The following NDUFAF2 variants were observed in gnomAD, a reference collection of about 807,000 sequenced individuals.
The protein encoded by NDUFAF2 is NADH dehydrogenase [ubiquinone] 1 alpha subcomplex assembly factor 2.
In NDUFAF2, 13 loss-of-function variants were observed where a neutral mutation model predicts 22.8. The observed-to-expected ratio is 0.57, with a 90% confidence interval of 0.37 to 0.91. The LOEUF (loss-of-function observed/expected upper bound fraction) is 0.91, where lower values mean the gene tolerates loss of function less well. NDUFAF2 is among the 40% of genes least tolerant of loss of function. The probability of loss-of-function intolerance (pLI) is 0.01; values close to 1 mark genes in which losing one functional copy is unlikely to be tolerated. For missense variants in NDUFAF2, 162 were observed against 195.2 expected (o/e 0.83, Z 1.01); for synonymous variants, 53 against 64.2 (o/e 0.83, Z 0.84).
intron 1 of NDUFAF2, among the ~76,000 whole-genome samples, chr5:60,987,870 C>T (rs1202448892): frequency 6.6e-6 from 1 of 152,130 alleles, no homozygotes; most frequent in Non-Finnish European, 1.5e-5. Flanking sequence ...GGCAAAAGAC[C>T]AGAATGCCCT....
intron 1 of NDUFAF2, among the ~76,000 whole-genome samples, chr5:61,059,297 A>C (rs188755432): frequency 4.6e-5 from 7 of 152,236 alleles, no homozygotes; most frequent in African/African-American, 1.7e-4. Flanking sequence ...ACCTTTAAAA[A>C]TTAACGGTCA....
chr5:61,006,158 A>G (rs1208947410), intron 1 of NDUFAF2, among the ~76,000 whole-genome samples: 5 of 152,194 alleles, frequency 3.3e-5, no homozygotes. Flanking sequence ...CTTTCTACAT[A>G]TGGCTAGCCA....
rs905952393 is a variant in NDUFAF2 at position 61,095,749 on chromosome 5, C to T, written c.218-3243C>T. Reference sequence around the variant, plus strand: ...AAGATCCATGGGAGAAGCATGGTTTCCCAGGGTCACACATTTGAATACTCA... The same window carrying T: ...AAGATCCATGGGAGAAGCATGGTTTTCCAGGGTCACACATTTGAATACTCA... On this transcript the variant is annotated intron_variant, in intron 2 of 3. Coordinates refer to ENST00000296597, the MANE Select transcript of NDUFAF2 (RefSeq NM_174889.5). 2.6e-5 allele frequency among the ~76,000 whole-genome samples: 4 copies of T among 152,110 alleles called. No homozygotes were observed. The South Asian group carries it at 8.3e-4, about 31-fold the overall frequency.
chr5:60,945,998 C>T (rs879552252), intron 1 of NDUFAF2, among the ~76,000 whole-genome samples: 2 of 152,150 alleles, frequency 1.3e-5, no homozygotes, highest in African/African-American at 4.8e-5. Context: ...ATTCCTTTCT[C>T]GGGAGTTGAC....
intron 3 of NDUFAF2, among the ~76,000 whole-genome samples, chr5:61,139,176 T>C (rs1026783945): frequency 1.3e-5 from 2 of 152,212 alleles, no homozygotes; most frequent in Non-Finnish European, 2.9e-5. Context: ...TTAAACCTGC[T>C]CAGGACACTT....
At chr5:61,082,619 G>A (rs557330748) in intron 2 of NDUFAF2, among the ~76,000 whole-genome samples, 1 of 152,246 alleles carries the variant, frequency 6.6e-6, no homozygotes, top group Non-Finnish European at 1.5e-5. Flanking sequence ...AGAACATGCA[G>A]TATTTGGTTT....
At chr5:61,007,008 G>A (rs1052376837) in intron 1 of NDUFAF2, among the ~76,000 whole-genome samples, 8 of 152,030 alleles carry the variant, frequency 5.3e-5, no homozygotes, top group African/African-American at 1.7e-4. Context: ...TGTAGATTCC[G>A]GATATTAGCC....
At chr5:61,107,539 C>T (rs1011630809) in intron 3 of NDUFAF2, among the ~76,000 whole-genome samples, 2 of 151,328 alleles carry the variant, frequency 1.3e-5, no homozygotes, top group African/African-American at 4.9e-5. Context: ...TGTGAGTTGT[C>T]TCTTCACCTT....
intron 1 of NDUFAF2, among the ~76,000 whole-genome samples, chr5:61,023,950 C>A (rs1263077594): frequency 6.6e-6 from 1 of 152,158 alleles, no homozygotes; most frequent in Admixed American, 6.5e-5. Flanking sequence ...GAGTTTGAAA[C>A]CCCGGGGATT....
intron 1 of NDUFAF2, among the ~76,000 whole-genome samples, chr5:60,996,463 G>A (rs540800861): frequency 3.4e-4 from 51 of 152,166 alleles, no homozygotes; most frequent in African/African-American, 1.2e-3. Flanking sequence ...TCCTTAAACA[G>A]AAGGAAGGGG....
At chr5:61,004,600 T>C (rs957475212) in intron 1 of NDUFAF2, among the ~76,000 whole-genome samples, 3 of 152,122 alleles carry the variant, frequency 2.0e-5, no homozygotes, top group Non-Finnish European at 4.4e-5. Flanking sequence ...TATGGGAGGC[T>C]GAGTAAATTT....
chr5:60,969,047 T>C (rs922820969), intron 1 of NDUFAF2, among the ~76,000 whole-genome samples: 2 of 152,152 alleles, frequency 1.3e-5, no homozygotes, highest in African/African-American at 4.8e-5. Flanking sequence ...AGGATTGCAT[T>C]CTTTTTTGTG....
At chr5:60,951,187 GC>G (rs1458780806) in intron 1 of NDUFAF2, among the ~76,000 whole-genome samples, 8 of 151,904 alleles carry the variant, frequency 5.3e-5, no homozygotes, top group Non-Finnish European at 1.0e-4. Flanking sequence ...CCACCACCAT[GC>G]CCAGCTAATT....
At chr5:61,064,293 G>C (rs549661409) in intron 1 of NDUFAF2, among the ~76,000 whole-genome samples, 1 of 152,170 alleles carries the variant, frequency 6.6e-6, no homozygotes, top group South Asian at 2.1e-4. Flanking sequence ...AATACTATAA[G>C]AGTAGGAGAC....
intron 1 of NDUFAF2, among the ~76,000 whole-genome samples, chr5:60,975,365 G>C (rs1020892732): frequency 3.3e-5 from 5 of 151,958 alleles, no homozygotes; most frequent in African/African-American, 1.2e-4. Flanking sequence ...AATTGTATCA[G>C]CTGAAATGGG....
At chr5:61,102,707 A>G (rs1561565552) in intron 3 of NDUFAF2, among the ~76,000 whole-genome samples, 2 of 152,272 alleles carry the variant, frequency 1.3e-5, no homozygotes, top group South Asian at 2.1e-4. Context: ...TAGGAAATCA[A>G]AAGACTAGGA....
rs552392414 is a variant in NDUFAF2 at position 61,134,557 on chromosome 5, G to A, written c.259-18147G>A. Among the ~76,000 whole-genome samples, 9 of 152,216 alleles carry A rather than the reference G, an allele frequency of 5.9e-5. No homozygotes were observed. The South Asian group carries it at 6.2e-4, about 11-fold the overall frequency. ...AAAAATTAGCCGGACGTGGTGGCAC[G>A]TGCCTGTAGTCCCAGCTACTTGGGA... On this transcript the variant is annotated intron_variant, in intron 3 of 3. Coordinates refer to ENST00000296597, the MANE Select transcript of NDUFAF2 (RefSeq NM_174889.5).
intron 1 of NDUFAF2, among the ~76,000 whole-genome samples, chr5:60,963,401 A>T (rs1389765037): frequency 1.3e-5 from 2 of 152,172 alleles, no homozygotes; most frequent in East Asian, 3.9e-4. Context: ...CACTGGCAAG[A>T]TTTTTGAAAA....
At chr5:60,965,636 T>G (rs1750749769) in intron 1 of NDUFAF2, among the ~76,000 whole-genome samples, 1 of 152,214 alleles carries the variant, frequency 6.6e-6, no homozygotes, top group African/African-American at 2.4e-5. Context: ...TTTTTGTGCC[T>G]GTCTTATTTC....
Sources: allele counts gnomAD v4.1 joint callset (sites outside exome capture counted in the v4.1 genomes callset), GRCh38; gene constraint gnomAD v4.1.1; transcripts MANE v1.5; gene names NCBI Gene and HGNC (gene_info 2026-07-23, HGNC 2026-07-21).